Variants in CENPK observed in about 807,000 individuals in gnomAD.
CENPK encodes SoxLZ/Sox6-binding protein Solt.
CENPK carries 46 observed loss-of-function variants against 40.9 expected under a neutral mutation model. The observed-to-expected ratio is 1.13, with a 90% CI of 0.89 to 1.44. The LOEUF (loss-of-function observed/expected upper bound fraction) is 1.44, where lower values mean the gene tolerates loss of function less well. Ranked by LOEUF, CENPK falls within the 40% of genes most tolerant of loss-of-function variation. The probability of loss-of-function intolerance (pLI) is 0.00; values close to 1 mark genes in which losing one functional copy is unlikely to be tolerated. For missense variants in CENPK, 288 were observed against 303.5 expected (o/e 0.95, Z 0.38); for synonymous variants, 107 against 104.4 (o/e 1.02, Z -0.15).
Position 65,518,408 on chromosome 5 carries a change from T to A in CENPK, c.*67A>T. The A allele has an allele frequency of 6.8e-7, 1 of 1,480,448 alleles. No homozygotes were observed. The highest frequency in any genetic ancestry group is 1.2e-5 in the South Asian group (1 of 80,936). 91.7% of individuals were successfully genotyped at this position (1,480,448 alleles called of 1,614,324 possible). A position where few individuals can be genotyped will look rare whatever the true frequency, so the allele number is the denominator to read the frequency against. ...TTGCAAATAATGTTTTTTATCCAAA[T>A]AGTCCTGTGGTTCCAATATCCTTGA... On this transcript the variant is annotated 3_prime_UTR_variant, in exon 11 of 11. Coordinates refer to ENST00000396679, the MANE Select transcript of CENPK (RefSeq NM_022145.5).
chr5:65,539,070 T>A (rs556871832), intron 6 of CENPK, among the ~76,000 whole-genome samples: 34 of 152,350 alleles, frequency 2.2e-4, no homozygotes, highest in African/African-American at 7.9e-4. Context: ...TTTGCTTCCA[T>A]CTTCTCTTCT....
chr5:65,520,292 T>C (rs1416903391), intron 10 of CENPK, among the ~76,000 whole-genome samples: 1 of 152,136 alleles, frequency 6.6e-6, no homozygotes, highest in African/African-American at 2.4e-5. Context: ...AAAGCTCCCT[T>C]AGGCCTCCCT....
chr5:65,513,667 A>T (rs1040104839), downstream of CENPK, among the ~76,000 whole-genome samples: 1 of 152,162 alleles, frequency 6.6e-6, no homozygotes, highest in African/African-American at 2.4e-5. Context: ...TAAACTTGCT[A>T]TATTCAGGTT....
At chr5:65,515,592 T>C (rs1742803165), downstream of CENPK, among the ~76,000 whole-genome samples, 1 of 152,208 alleles carries the variant, frequency 6.6e-6, no homozygotes, top group South Asian at 2.1e-4. Flanking sequence ...TGTTTAGAAG[T>C]GTGTTCCTTA....
the CENPK span, among the ~76,000 whole-genome samples, chr5:65,496,254 A>AAACAG: frequency 3.8e-5 from 1 of 26,004 alleles, no homozygotes; most frequent in African/African-American, 1.5e-4. Context: ...ACCTTGTCTC[A>AAACAG]AACAAAACAA....
intron 9 of CENPK, among the ~76,000 whole-genome samples, chr5:65,525,755 A>C (rs1368846053): frequency 6.6e-6 from 1 of 152,220 alleles, no homozygotes; most frequent in Non-Finnish European, 1.5e-5. Context: ...GTTTCCTCAT[A>C]AAAAGAGGAA....
At chr5:65,512,351 A>T in the CENPK span, among the ~76,000 whole-genome samples, 1 of 152,232 alleles carries the variant, frequency 6.6e-6, no homozygotes, top group East Asian at 1.9e-4. Context: ...AACCTATCAA[A>T]CAGCATCTTA....
rs1269715863 is a variant in CENPK, at chr5:65,518,123, A to G, written c.*352T>C. ...AAAGAAGCACCAGCTGGAACTCAAA[A>G]TGCATAAAAGATATTGTTATATATT... is the stretch of plus-strand genomic sequence containing the variant. On this transcript the variant is annotated 3_prime_UTR_variant, in exon 11 of 11. Transcript: ENST00000396679. 1 of 153,922 alleles carries G rather than the reference A, an allele frequency of 6.5e-6. No homozygotes were observed. The highest frequency in any genetic ancestry group is 1.4e-5 in the Non-Finnish European group (1 of 69,262). 9.5% of individuals were successfully genotyped at this position (153,922 alleles called of 1,614,324 possible). A position where few individuals can be genotyped will look rare whatever the true frequency, so the allele number is the denominator to read the frequency against.
downstream of CENPK, among the ~76,000 whole-genome samples, chr5:65,515,938 A>C (rs74601022): frequency 2.4e-3 from 363 of 152,320 alleles, 2 homozygotes; most frequent in African/African-American, 8.4e-3. Flanking sequence ...GGGTGTCAGC[A>C]TAGTCAATTT....
intron 5 of CENPK, 131 bp downstream of exon 5, chr5:65,551,433 C>T: frequency 1.9e-6 from 1 of 538,236 alleles, no homozygotes; most frequent in Non-Finnish European, 3.3e-6. Context: ...AAAAAAGTGG[C>T]TTCTCGGTAT....
intron 3 of CENPK, among the ~76,000 whole-genome samples, chr5:65,552,771 GA>G (rs536474159): frequency 2.6e-4 from 37 of 139,736 alleles, no homozygotes; most frequent in African/African-American, 4.2e-4. Context: ...GAATGAAGAG[GA>G]AAAAAAAAAA....
At chr5:65,545,383 C>A (rs1356306550) in intron 5 of CENPK, among the ~76,000 whole-genome samples, 1 of 142,700 alleles carries the variant, frequency 7.0e-6, no homozygotes, top group Non-Finnish European at 1.5e-5. Flanking sequence ...CACACACACG[C>A]CTTCTCTATA....
the CENPK span, among the ~76,000 whole-genome samples, chr5:65,511,676 C>T: frequency 6.6e-6 from 1 of 152,190 alleles, no homozygotes; most frequent in Non-Finnish European, 1.5e-5. Context: ...GTCAGATCAG[C>T]AGCATTAGAT....
At chr5:65,498,030 T>C in the CENPK span, among the ~76,000 whole-genome samples, 1 of 152,198 alleles carries the variant, frequency 6.6e-6, no homozygotes, top group Non-Finnish European at 1.5e-5. Flanking sequence ...AATTTCAGCA[T>C]TATAAATTTC....
At chr5:65,544,247 C>T (rs920366965) in intron 5 of CENPK, among the ~76,000 whole-genome samples, 4 of 152,184 alleles carry the variant, frequency 2.6e-5, no homozygotes, top group Non-Finnish European at 4.4e-5. Flanking sequence ...CTACCTTCAA[C>T]CTCTATAAGA....
intron 6 of CENPK, among the ~76,000 whole-genome samples, chr5:65,539,541 T>C (rs1747575218): frequency 6.6e-6 from 1 of 152,244 alleles, no homozygotes; most frequent in African/African-American, 2.4e-5. Context: ...GAATAATCTT[T>C]GGTTCAATGC....
At chr5:65,508,308 T>C in the CENPK span, among the ~76,000 whole-genome samples, 1 of 152,218 alleles carries the variant, frequency 6.6e-6, no homozygotes, top group Non-Finnish European at 1.5e-5. Flanking sequence ...TTTTCTTCTA[T>C]GTTTATTAGT....
At chr5:65,514,855 T>G (rs245553), downstream of CENPK, among the ~76,000 whole-genome samples, 1 of 152,042 alleles carries the variant, frequency 6.6e-6, no homozygotes, top group African/African-American at 2.4e-5. Flanking sequence ...GTTGCTCATA[T>G]CATTCCTTTA....
intron 5 of CENPK, among the ~76,000 whole-genome samples, chr5:65,549,912 T>A (rs1333938778): frequency 6.6e-6 from 1 of 152,136 alleles, no homozygotes; most frequent in Non-Finnish European, 1.5e-5. Context: ...CCTTTAAAAA[T>A]TTTTCCTGCA....
Sources: allele counts gnomAD v4.1 joint callset (sites outside exome capture counted in the v4.1 genomes callset), GRCh38; gene constraint gnomAD v4.1.1; transcripts MANE v1.5; gene names NCBI Gene and HGNC (gene_info 2026-07-23, HGNC 2026-07-21).